BCL11A: variants seen among roughly 807,000 people sequenced by gnomAD.
BCL11A encodes the protein B cell CLL/lymphoma 11A.
In BCL11A, 2 loss-of-function variants were observed where a neutral mutation model predicts 55.9. The observed-to-expected ratio is 0.04, with a 90% confidence interval of 0.01 to 0.11. BCL11A has a LOEUF of 0.11. Ranked by LOEUF, BCL11A falls within the 10% of genes least tolerant of loss-of-function variation. The probability of loss-of-function intolerance (pLI) is 1.00; values close to 1 mark genes in which losing one functional copy is unlikely to be tolerated. For missense variants in BCL11A, 817 were observed against 1,137.1 expected (o/e 0.72, Z 4.05); for synonymous variants, 465 against 473.4 (o/e 0.98, Z 0.23).
Position 60,457,788 on chromosome 2 carries a change from C to A in BCL11A, c.*2616G>T. On this transcript the variant is annotated 3_prime_UTR_variant, in exon 4 of 4. Transcript: ENST00000642384. ...AAAAGCACACTACATAACAAACCAA[C>A]GTTATTAGCTTGCAGTACTGCATAC... The A allele has an allele frequency of 1.9e-6, 2 of 1,038,524 alleles. No homozygotes were observed. The highest frequency in any genetic ancestry group is 2.3e-6 in the Non-Finnish European group (2 of 863,592). The allele number at this position is 1,038,524 out of a possible 1,614,324, so 64.3% of individuals were successfully genotyped here. A position where few individuals can be genotyped will look rare whatever the true frequency, so the allele number is the denominator to read the frequency against.
At chr2:60,537,550 T>A (rs1345129429) in intron 2 of BCL11A, 1 of 152,220 alleles carries the variant, frequency 6.6e-6, no homozygotes, top group Non-Finnish European at 1.5e-5. Flanking sequence ...GGTGCAGGGA[T>A]TGGCCAAATA....
At position 60,461,577 on chromosome 2, in the gene BCL11A, G is replaced by A. The variant is rs778565933; in HGVS notation, c.1335C>T (p.Ala445=). The change falls in exon 4 of 4, where the codon GCC becomes GCT. Residue 445 remains alanine (A), a synonymous_variant. Transcript: ENST00000642384. ...CGCTGGTGCCGGGTTCCGGGGAGCT[G>A]GCGGTGGAGAGACCGTCGTCGGACT... ...TVKSDDGLST[A]SSPEPGTSDL... 104 of 1,612,374 alleles carry A rather than the reference G, an allele frequency of 6.5e-5. No individual in the cohort carries two copies. Among genetic ancestry groups the A allele is most frequent in the Non-Finnish European group, 8.6e-5 (102 of 1,180,036 alleles).
intron 2 of BCL11A, among the ~76,000 whole-genome samples, chr2:60,520,608 T>C (rs356979): frequency 0.66 from 100,805 of 152,072 alleles, 33,843 homozygotes; most frequent in South Asian, 0.78. Flanking sequence ...ATGTAAACTG[T>C]TTTGCTCTGA....
intron 2 of BCL11A, among the ~76,000 whole-genome samples, chr2:60,503,918 A>G (rs986267039): frequency 3.9e-5 from 6 of 152,192 alleles, no homozygotes; most frequent in Admixed American, 3.9e-4. Context: ...CGTTGATTCT[A>G]GAAAAAAAAG....
At chr2:60,477,270 G>A (rs1449504790) in intron 2 of BCL11A, among the ~76,000 whole-genome samples, 4 of 152,194 alleles carry the variant, frequency 2.6e-5, no homozygotes, top group African/African-American at 9.7e-5. Context: ...GATAACACCT[G>A]CCAGAGCAGA....
In BCL11A at chr2:60,530,197, C is replaced by T. The variant is rs933833820; in HGVS notation, c.385+15774G>A. 2.0e-5 allele frequency among the ~76,000 whole-genome samples: 3 copies of T among 152,248 alleles called. No homozygotes were observed. In the East Asian group the frequency reaches 5.8e-4, roughly 29 times the overall value. On this transcript the variant is annotated intron_variant, in intron 2 of 3. Coordinates refer to ENST00000642384, the MANE Select transcript of BCL11A (RefSeq NM_022893.4). ...CCTGGGTCCTGCCCAGGAAAGGCTG[C>T]GCCTCTAACAAGAGCACCTTTTCCC...
At chr2:60,481,758 A>G (rs147442448) in intron 2 of BCL11A, among the ~76,000 whole-genome samples, 173 of 152,284 alleles carry the variant, frequency 1.1e-3, no homozygotes, top group Non-Finnish European at 2.0e-3. Context: ...AAGTGAGATT[A>G]ATTTTCTAAC....
At chr2:60,552,113 A>G (rs752078144) in intron 1 of BCL11A, among the ~76,000 whole-genome samples, 28 of 149,898 alleles carry the variant, frequency 1.9e-4, no homozygotes, top group Non-Finnish European at 3.8e-4. Flanking sequence ...ATTTTTTTCT[A>G]GATGAGAGAT....
chr2:60,552,289 TCTC>T (rs1159984756), intron 1 of BCL11A, among the ~76,000 whole-genome samples: 5 of 151,996 alleles, frequency 3.3e-5, no homozygotes, highest in Non-Finnish European at 5.9e-5. Context: ...GTGCCAGTCT[TCTC>T]CTTGCTGCCT....
intron 2 of BCL11A, among the ~76,000 whole-genome samples, chr2:60,498,108 T>G (rs1679056952): frequency 6.6e-6 from 1 of 150,702 alleles, no homozygotes; most frequent in Non-Finnish European, 1.5e-5. Context: ...CTGGGGTGAG[T>G]CAAAAGTCTG....
chr2:60,514,387 T>C (rs1362133374), intron 2 of BCL11A, among the ~76,000 whole-genome samples: 1 of 151,450 alleles, frequency 6.6e-6, no homozygotes, highest in Non-Finnish European at 1.5e-5. Flanking sequence ...CCAGGTGCGG[T>C]GGCTCACACC....
At chr2:60,509,816 C>G (rs1161800734) in intron 2 of BCL11A, among the ~76,000 whole-genome samples, 2 of 152,128 alleles carry the variant, frequency 1.3e-5, no homozygotes, top group East Asian at 1.9e-4. Context: ...CTGAACAGGG[C>G]AGTAGTCTAG....
intron 2 of BCL11A, among the ~76,000 whole-genome samples, chr2:60,512,220 GCCACCTAGAGCC>G (rs1303050669): frequency 6.6e-6 from 1 of 152,206 alleles, no homozygotes; most frequent in Non-Finnish European, 1.5e-5. Flanking sequence ...TTTAAAGGAA[GCCACCTAGAGCC>G]CCACCTGTCA....
At chr2:60,524,812 T>G (rs542428980) in intron 2 of BCL11A, 28 of 152,326 alleles carry the variant, frequency 1.8e-4, no homozygotes, top group African/African-American at 6.7e-4. Flanking sequence ...TGAAAACATT[T>G]CATATCTCAT....
chr2:60,489,037 G>A (rs1400844488), intron 2 of BCL11A, among the ~76,000 whole-genome samples: 1 of 152,116 alleles, frequency 6.6e-6, no homozygotes, highest in East Asian at 1.9e-4. Flanking sequence ...TGGGATTATA[G>A]GCATAAGCTA....
At chr2:60,505,912 GAAGC>G (rs1679564171) in intron 2 of BCL11A, among the ~76,000 whole-genome samples, 1 of 152,242 alleles carries the variant, frequency 6.6e-6, no homozygotes, top group South Asian at 2.1e-4. Context: ...TAAATACCCA[GAAGC>G]AATAGCAGCC....
chr2:60,541,874 A>G, intron 2 of BCL11A: 1 of 699,466 alleles, frequency 1.4e-6, no homozygotes, highest in Non-Finnish European at 2.6e-6. Flanking sequence ...TTATAGTCTC[A>G]TTTACAATTA....
chr2:60,544,398 G>A (rs1195943985), intron 2 of BCL11A: 2 of 152,132 alleles, frequency 1.3e-5, no homozygotes, highest in East Asian at 3.8e-4. Context: ...CCTGCTGGGG[G>A]GTAGGGGAGA....
chr2:60,550,959 G>C, intron 1 of BCL11A: 3 of 397,550 alleles, frequency 7.5e-6, no homozygotes, highest in Non-Finnish European at 1.3e-5. Flanking sequence ...GAGCGGCGAG[G>C]GAGGGATGCG....
Sources: allele counts gnomAD v4.1 joint callset (sites outside exome capture counted in the v4.1 genomes callset), GRCh38; gene constraint gnomAD v4.1.1; transcripts MANE v1.5; gene names NCBI Gene and HGNC (gene_info 2026-07-23, HGNC 2026-07-21).